The following MASP1 variants were observed in gnomAD, a reference collection of about 807,000 sequenced individuals.
The protein encoded by MASP1 is mannan-binding lectin serine protease 1.
In MASP1, 59 loss-of-function variants were observed where a neutral mutation model predicts 77.1. That is an observed-to-expected ratio of 0.77 (90% CI 0.62 to 0.95). The LOEUF is 0.95. Among genes scored for constraint, MASP1 ranks in the 40% least tolerant of loss-of-function variants. The pLI, the probability that MASP1 is intolerant of heterozygous loss-of-function variation, is 0.00. For missense variants in MASP1, 885 were observed against 912.9 expected, an observed-to-expected ratio of 0.97 and a Z score of 0.39; for synonymous variants, 362 against 354.5, an observed-to-expected ratio of 1.02 and a Z score of -0.24.
chr3:187,260,778 G>A lies in MASP1; in HGVS notation c.510C>T (p.Phe170=), dbSNP rs553549384. ...TGTTGTCTGTGTGGAGGATGTAGCC[G>A]AAGCGGCAGGAGCAGTAGTAGCCGC... ...YIGGYYCSCR[F]GYILHTDNRT... is the part of the protein sequence containing the mutation. The change falls in exon 4 of 11, where the codon TTC becomes TTT. Residue 170 remains phenylalanine, a synonymous_variant. Coordinates refer to ENST00000296280, the MANE Select transcript of MASP1 (RefSeq NM_139125.4). The A allele has an allele frequency of 3.3e-4, 537 of 1,614,098 alleles. 2 individuals are homozygous for A. The South Asian group carries it at 5.2e-3, about 16-fold the overall frequency.
At chr3:187,285,274 C>G (rs1156236995) in intron 2 of MASP1, among the ~76,000 whole-genome samples, 1 of 152,042 alleles carries the variant, frequency 6.6e-6, no homozygotes. Context: ...CCCTTCCTAC[C>G]CACACTTTTT....
At chr3:187,284,492 A>T (rs968509747) in intron 2 of MASP1, among the ~76,000 whole-genome samples, 3 of 152,206 alleles carry the variant, frequency 2.0e-5, no homozygotes, top group African/African-American at 7.2e-5. Context: ...AATCCCTACC[A>T]TGGAACACCA....
At chr3:187,220,258 C>T (rs867948727) in exon 16 of MASP1, 2 of 1,613,900 alleles carry the variant, frequency 1.2e-6, no homozygotes, top group Non-Finnish European at 8.5e-7. Context: ...GGCGTCCTTT[C>T]CCCCTAGGTG....
chr3:187,268,575 G>A (rs1363153397), intron 2 of MASP1, among the ~76,000 whole-genome samples: 27 of 121,636 alleles, frequency 2.2e-4, no homozygotes, highest in African/African-American at 7.5e-4. Flanking sequence ...AGAAAAGAAA[G>A]GAAGGACTGT....
chr3:187,258,591 G>C (rs1394884874), intron 4 of MASP1, among the ~76,000 whole-genome samples: 2 of 152,110 alleles, frequency 1.3e-5, no homozygotes, highest in Non-Finnish European at 2.9e-5. Context: ...GGCTGGAGGT[G>C]GTGCTTCCCA....
At chr3:187,289,954 C>A (rs16861889) in intron 1 of MASP1, among the ~76,000 whole-genome samples, 5 of 152,334 alleles carry the variant, frequency 3.3e-5, no homozygotes, top group African/African-American at 9.6e-5. Flanking sequence ...CCATGTGAGA[C>A]AAGACCTGCT....
At chr3:187,220,520 G>C (rs1433699174) in intron 15 of MASP1, among the ~76,000 whole-genome samples, 3 of 134,394 alleles carry the variant, frequency 2.2e-5, no homozygotes, top group Non-Finnish European at 4.7e-5. Context: ...TTTTGAGATG[G>C]AGTCTCGCTC....
chr3:187,263,742 T>A (rs546285240), intron 2 of MASP1, among the ~76,000 whole-genome samples: 42 of 152,284 alleles, frequency 2.8e-4, no homozygotes, highest in Middle Eastern at 3.4e-3. Context: ...AAGAATTCCC[T>A]TCTTTGGAAG....
chr3:187,223,333 G>A lies in MASP1; in HGVS notation c.1742-139C>T, dbSNP rs1712181805. On this transcript the variant is annotated intron_variant, in intron 13 of 15. Coordinates refer to the MASP1 transcript ENST00000337774. ...TCAGAGAAAGGTGGTGTGGTGGGGA[G>A]GAAGACGTGAAAGGCAGCTGGGCTA... 7 of 758,524 alleles carry A rather than the reference G, an allele frequency of 9.2e-6. No individual in the cohort carries two copies. In the East Asian group the frequency reaches 1.9e-4, roughly 20 times the overall value. The allele number at this position is 758,524 out of a possible 1,614,324, so 47.0% of individuals were successfully genotyped here. A position where few individuals can be genotyped will look rare whatever the true frequency, so the allele number is the denominator to read the frequency against.
chr3:187,253,028 G>A, intron 6 of MASP1, 140 bp downstream of exon 6: 3 of 1,046,088 alleles, frequency 2.9e-6, no homozygotes, highest in Non-Finnish European at 4.4e-6. Flanking sequence ...GAAAGCACGT[G>A]CCTTGGTCCC....
downstream of MASP1, among the ~76,000 whole-genome samples, chr3:187,232,915 AAAAC>A (rs1712857839): frequency 6.6e-6 from 1 of 152,246 alleles, no homozygotes; most frequent in Non-Finnish European, 1.5e-5. Flanking sequence ...GTACAAACCA[AAAAC>A]AAAGGCGAAC....
At chr3:187,220,165 C>G (rs1711954729) in exon 16 of MASP1, 1 of 1,614,064 alleles carries the variant, frequency 6.2e-7, no homozygotes, top group Non-Finnish European at 8.5e-7. Context: ...ACAGTCATCA[C>G]CCCAGGACAC....
chr3:187,244,579 A>G (rs1713928620), intron 8 of MASP1: 1 of 152,268 alleles, frequency 6.6e-6, no homozygotes, highest in Non-Finnish European at 1.5e-5. Context: ...TAGGCAATCT[A>G]GAATGTCCTC....
Sources: gnomAD v4.1 joint callset for allele counts (sites outside exome capture counted in the v4.1 genomes callset) on GRCh38, gnomAD v4.1.1 for gene constraint, MANE v1.5 for transcripts, NCBI Gene and HGNC (gene_info 2026-07-23, HGNC 2026-07-21) for gene names.